PDGFRB: variants seen among roughly 807,000 people sequenced by gnomAD.
PDGFRB encodes platelet-derived growth factor receptor beta.
A neutral mutation model predicts 120.2 loss-of-function variants in PDGFRB; 42 were observed. That is an observed-to-expected ratio of 0.35 (90% CI 0.27 to 0.45). The LOEUF is 0.45. Ranked by LOEUF, PDGFRB falls within the 20% of genes least tolerant of loss-of-function variation. The pLI, the probability that PDGFRB is intolerant of heterozygous loss-of-function variation, is 1.00. For missense variants in PDGFRB, 1,149 were observed against 1,476.3 expected, an observed-to-expected ratio of 0.78 and a Z score of 3.63; for synonymous variants, 586 against 606.8, an observed-to-expected ratio of 0.97 and a Z score of 0.50.
rs2113910309 is a variant in PDGFRB at position 150,134,646 on chromosome 5, C to T, written c.631+104G>A. On this transcript the variant is annotated intron_variant, in intron 4 of 22. Coordinates refer to ENST00000261799, the MANE Select transcript of PDGFRB (RefSeq NM_002609.4). ...TTCCTTCGAAGGCTGTGGTGAGAAT[C>T]CACTGGGAAGTGGAGTCCCACACTT... 2.9e-6 allele frequency: 3 copies of T among 1,048,410 alleles called. No individual in the cohort carries two copies. The African/African-American group carries it at 4.8e-5, about 17-fold the overall frequency. 64.9% of individuals were successfully genotyped at this position (1,048,410 alleles called of 1,614,324 possible).
At chr5:150,148,267 G>A (rs979736863) in intron 1 of PDGFRB, among the ~76,000 whole-genome samples, 1 of 152,144 alleles carries the variant, frequency 6.6e-6, no homozygotes, top group East Asian at 1.9e-4. Context: ...ACCTAACAAC[G>A]ATCTGGACTC....
intron 14 of PDGFRB, among the ~76,000 whole-genome samples, chr5:150,123,886 C>G (rs967286977): frequency 1.3e-5 from 2 of 152,192 alleles, no homozygotes; most frequent in Admixed American, 6.5e-5. Context: ...ATGAAGGTAG[C>G]TCCCAAGTAG....
intron 9 of PDGFRB, among the ~76,000 whole-genome samples, chr5:150,130,180 T>C (rs1009299690): frequency 1.3e-5 from 2 of 152,204 alleles, no homozygotes; most frequent in African/African-American, 4.8e-5. Context: ...CCATTCTTAT[T>C]TGACCCACGG....
chr5:150,117,706 C>T lies in PDGFRB; in HGVS notation c.3049G>A (p.Gly1017Ser), dbSNP rs1428098106. ...AGGGGGATGATATAGTCGTTGTCAC[C>T]CTCATTGGGCTGCACGGCAGTATAG... ...VLYTAVQPNE[G>S]DNDYIIPLPD... The change falls in exon 22 of 23, where the codon GGT (glycine) becomes AGT (serine). Residue 1017 changes from glycine (G) to serine (S), a missense_variant. Gly to Ser is a moderately conservative substitution (Grantham distance 56). Transcript: ENST00000261799. 6.2e-7 allele frequency: 1 copy of T among 1,613,844 alleles called. No homozygotes were observed. The highest frequency in any genetic ancestry group is 8.5e-7 in the Non-Finnish European group (1 of 1,179,792).
chr5:150,150,914 G>GCC (rs1239083384), intron 1 of PDGFRB, among the ~76,000 whole-genome samples: 3 of 152,112 alleles, frequency 2.0e-5, no homozygotes, highest in African/African-American at 7.2e-5. Context: ...TCCACACACA[G>GCC]CCCCTAGTGG....
intron 1 of PDGFRB, among the ~76,000 whole-genome samples, chr5:150,139,570 A>G (rs1022718310): frequency 6.6e-6 from 1 of 152,144 alleles, no homozygotes; most frequent in South Asian, 2.1e-4. Flanking sequence ...ATAAGAATCC[A>G]CCAGCCATCT....
chr5:150,124,540 AG>A (rs1760239576), intron 13 of PDGFRB, 180 bp from the exon 14 acceptor site: 1 of 625,548 alleles, frequency 1.6e-6, no homozygotes. Context: ...AAGCAGGCCG[AG>A]GAGGCCAGGG....
At chr5:150,124,675 G>T in intron 13 of PDGFRB, 52 bp downstream of exon 13, 1 of 848,578 alleles carries the variant, frequency 1.2e-6, no homozygotes, top group Non-Finnish European at 1.9e-6. Flanking sequence ...TGTGTGGGGA[G>T]GGGCAGGGAG....
chr5:150,145,862 A>G (rs1358245929), intron 1 of PDGFRB, among the ~76,000 whole-genome samples: 1 of 152,196 alleles, frequency 6.6e-6, no homozygotes, highest in Non-Finnish European at 1.5e-5. Context: ...GGGCAACAAG[A>G]GTGAAACTCC....
intron 11 of PDGFRB, 101 bp from the exon 12 acceptor site, chr5:150,125,678 G>A (rs1760275070): frequency 1.8e-6 from 2 of 1,100,028 alleles, no homozygotes; most frequent in African/African-American, 1.5e-5. Context: ...AGACCCTGAG[G>A]CCCAGAGAGG....
Position 150,125,451 on chromosome 5 carries a change from C to T in PDGFRB, c.1801G>A (p.Val601Met). ...STWELPRDQLVLGRTLGSGAF... is the reference protein window; with the variant it reads ...STWELPRDQLMLGRTLGSGAF... ...GAGGCCTCTCAGGACTGACCCAGCA[C>T]AAGCTGGTCCCGCGGCAGCTCCCAC... The change falls in exon 12 of 23, where the codon GTG becomes ATG. Residue 601 changes from valine to methionine, a missense_variant. Around this residue, in one of 3 missense-constraint regions of PDGFRB, gnomAD observed 879 missense variants for 1,108.6 expected, o/e 0.79. Coordinates refer to ENST00000261799, the MANE Select transcript of PDGFRB (RefSeq NM_002609.4). The T allele has an allele frequency of 6.2e-7, 1 of 1,611,880 alleles. No individual in the cohort carries two copies. Among genetic ancestry groups the T allele is most frequent in the Non-Finnish European group, 8.5e-7 (1 of 1,178,440 alleles).
chr5:150,116,984 C>T (rs545465363), intron 22 of PDGFRB, among the ~76,000 whole-genome samples: 133 of 152,286 alleles, frequency 8.7e-4, no homozygotes, highest in African/African-American at 3.2e-3. Flanking sequence ...TGGAGGTGGG[C>T]GTGGCCTCAT....
chr5:150,118,856 G>C lies in PDGFRB; in HGVS notation c.2799-4C>G, dbSNP rs1760046811. The C allele has an allele frequency of 6.3e-7, 1 of 1,592,510 alleles. No individual in the cohort carries two copies. The highest frequency in any genetic ancestry group is 1.3e-5 in the African/African-American group (1 of 74,500). On this transcript the variant is annotated splice_polypyrimidine_tract_variant and splice_region_variant and intron_variant, in intron 20 of 22. Coordinates refer to ENST00000261799, the MANE Select transcript of PDGFRB (RefSeq NM_002609.4). ...GCACTTCTGCATGATCTCATAGCTG[G>C]GGATAGGGAGAAGGGTCAGGGCCTC...
chr5:150,120,175 C>G lies in PDGFRB; in HGVS notation c.2587-52G>C. 1.2e-6 allele frequency: 1 copy of G among 815,560 alleles called. No homozygotes were observed. The highest frequency in any genetic ancestry group is 2.2e-6 in the Non-Finnish European group (1 of 452,810). 50.5% of individuals were successfully genotyped at this position (815,560 alleles called of 1,614,324 possible). A position where few individuals can be genotyped will look rare whatever the true frequency, so the allele number is the denominator to read the frequency against. On this transcript the variant is annotated intron_variant, in intron 18 of 22. Coordinates refer to ENST00000261799, the MANE Select transcript of PDGFRB (RefSeq NM_002609.4). The surrounding 1 kb of genome is among the most constrained non-coding windows in gnomAD (Gnocchi z 4.3). ...AGTGCAAGGAAGGACCTCAGCCCCA[C>G]TCTGCACCTGGGATGGGAGGAGGGT...
rs754968687 is a variant in PDGFRB, at chr5:150,120,878, A to G, written c.2586+10T>C. On this transcript the variant is annotated intron_variant, in intron 18 of 22. Transcript: ENST00000261799. This position sits in a 1 kb window ranked among gnomAD's most constrained non-coding sequence, Gnocchi z 4.3. ...GTGACTGCCCTGCAGGGGCCAGGGA[A>G]GGTACTCACGCTGCCTTTGGAGATG... The G allele has an allele frequency of 1.2e-6, 2 of 1,613,564 alleles. No individual in the cohort carries two copies. Among genetic ancestry groups the G allele is most frequent in the Non-Finnish European group, 1.7e-6 (2 of 1,179,518 alleles).
In PDGFRB at chr5:150,118,916, G is replaced by T. The variant is rs946441644; in HGVS notation, c.2799-64C>A. ...GTTCAGGGGACAAGGCAGGGCTGGG[G>T]GAGCAGGAGGCTGCTGCCTCTCAGA... is the stretch of plus-strand genomic sequence containing the variant. On this transcript the variant is annotated intron_variant, in intron 20 of 22. Transcript: ENST00000261799. 3.6e-5 allele frequency: 34 copies of T among 955,244 alleles called. No homozygotes were observed. In the African/African-American group the frequency reaches 4.6e-4, roughly 13 times the overall value. 59.2% of individuals were successfully genotyped at this position (955,244 alleles called of 1,614,324 possible).
rs1374153829 is a variant in PDGFRB at position 150,132,454 on chromosome 5, C to A, written c.1127+296G>T. 6.6e-6 allele frequency among the ~76,000 whole-genome samples: 1 copy of A among 152,216 alleles called. No homozygotes were observed. Among genetic ancestry groups the A allele is most frequent in the East Asian group, 1.9e-4 (1 of 5,192 alleles). On this transcript the variant is annotated intron_variant, in intron 7 of 22. Transcript: ENST00000261799. The surrounding 1 kb of genome is among the most constrained non-coding windows in gnomAD (Gnocchi z 5.0). ...CACAGGCCATGAGTGGCCTGCCTGG[C>A]ACCCTCTTCCCCAGTCATCTGCCCG...
rs1438159716 is a variant in PDGFRB at position 150,120,369 on chromosome 5, C to T, written c.2587-246G>A. On this transcript the variant is annotated intron_variant, in intron 18 of 22. Transcript: ENST00000261799. The surrounding 1 kb of genome is among the most constrained non-coding windows in gnomAD (Gnocchi z 4.3). ...CAGCCCCTGTCCCTGGGGAAAAGCCCCAGGGTCTGAGTAGTGAAGTGTGGG... is the reference window on the plus strand; with the variant it reads ...CAGCCCCTGTCCCTGGGGAAAAGCCTCAGGGTCTGAGTAGTGAAGTGTGGG... Among the ~76,000 whole-genome samples, 2 of 152,150 alleles carry T rather than the reference C, an allele frequency of 1.3e-5. No individual in the cohort carries two copies. The highest frequency in any genetic ancestry group is 4.8e-5 in the African/African-American group (2 of 41,440).
At chr5:150,125,688 G>A (rs1377969740) in intron 11 of PDGFRB, 111 bp from the exon 12 acceptor site, 1 of 952,338 alleles carries the variant, frequency 1.1e-6, no homozygotes, top group Non-Finnish European at 1.6e-6. Context: ...GCCCAGAGAG[G>A]GGCAGGGGCA....
Sources: gnomAD v4.1 joint callset for allele counts (sites outside exome capture counted in the v4.1 genomes callset) on GRCh38, gnomAD v4.1.1 for gene constraint, gnomAD v4.1.1 regional missense constraint, Gnocchi (gnomAD v3.1) non-coding constraint, MANE v1.5 for transcripts, NCBI Gene and HGNC (gene_info 2026-07-23, HGNC 2026-07-21) for gene names.